MMRN2: variants seen among roughly 807,000 people sequenced by gnomAD.
MMRN2 encodes the protein multimerin-2.
A neutral mutation model predicts 68.8 loss-of-function variants in MMRN2; 53 were observed. The ratio of observed to expected loss-of-function variants is 0.77; its 90% CI spans 0.62 to 0.97. The LOEUF (loss-of-function observed/expected upper bound fraction) is 0.97. Ranked by LOEUF, MMRN2 falls within the 50% of genes least tolerant of loss-of-function variation. MMRN2 has a pLI of 0.00. For synonymous variants in MMRN2, 564 were observed against 551.6 expected, an observed-to-expected ratio of 1.02 and a Z score of -0.32; for missense variants, 1,266 against 1,259.5, an observed-to-expected ratio of 1.01 and a Z score of -0.08.
rs1280027844 is a variant in MMRN2, at chr10:86,936,437, G to A, written c.*306C>T. 59 of 489,418 alleles carry A rather than the reference G, an allele frequency of 1.2e-4. No homozygotes were observed. Among genetic ancestry groups the A allele is most frequent in the African/African-American group, 1.9e-5 (1 of 52,506 alleles). The allele number at this position is 489,418 out of a possible 1,614,324, so 30.3% of individuals were successfully genotyped here. On this transcript the variant is annotated 3_prime_UTR_variant, in exon 7 of 7. Transcript: ENST00000372027. ...GGAGGAGCAAAACACCAAAGAAGTT[G>A]TAGAATACAGGGTGTGGTGAAGAGT...
intron 1 of MMRN2, among the ~76,000 whole-genome samples, chr10:86,947,052 A>G (rs1237404032): frequency 2.0e-5 from 3 of 152,088 alleles, no homozygotes; most frequent in Non-Finnish European, 4.4e-5. Context: ...GGCATGGGAA[A>G]TCATGGAGGG....
chr10:86,940,699 C>A (rs922309705), intron 6 of MMRN2, among the ~76,000 whole-genome samples: 1 of 152,232 alleles, frequency 6.6e-6, no homozygotes, highest in African/African-American at 2.4e-5. Flanking sequence ...TCAGCTGGGG[C>A]AGGGGCTGCC....
Position 86,943,115 on chromosome 10 carries a change from C to G in MMRN2, c.1669G>C (p.Ala557Pro). Residue 557 changes from alanine to proline, a missense_variant, in exon 6 of 7, where the codon GCG becomes CCG. Transcript: ENST00000372027. This position sits in a 1 kb window ranked among gnomAD's most constrained non-coding sequence, Gnocchi z 4.2. ...VDAHKAEGER[A>P]RAATSRLRSQ... Reference sequence around the variant, plus strand: ...CGGAGCCGCGACGTGGCCGCCCGCGCCCGCTCGCCCTCCGCTTTGTGCGCG... The same window carrying G: ...CGGAGCCGCGACGTGGCCGCCCGCGGCCGCTCGCCCTCCGCTTTGTGCGCG... 6.6e-7 allele frequency: 1 copy of G among 1,510,376 alleles called. No individual in the cohort carries two copies. The highest frequency in any genetic ancestry group is 8.8e-7 in the Non-Finnish European group (1 of 1,136,750). The allele number at this position is 1,510,376 out of a possible 1,614,324, so 93.6% of individuals were successfully genotyped here.
chr10:86,952,562 C>T (rs1028240594), intron 1 of MMRN2, among the ~76,000 whole-genome samples: 23 of 152,106 alleles, frequency 1.5e-4, no homozygotes, highest in Non-Finnish European at 2.5e-4. Flanking sequence ...CCACCTGAGC[C>T]GCAAAACCAG....
At chr10:86,952,814 TG>T (rs1349252899) in intron 1 of MMRN2, among the ~76,000 whole-genome samples, 1 of 152,156 alleles carries the variant, frequency 6.6e-6, no homozygotes, top group Non-Finnish European at 1.5e-5. Flanking sequence ...TTACCAGGGC[TG>T]GGGTTTCTCA....
rs1589298137 is a variant in MMRN2, at chr10:86,936,984, T to C, written c.2609A>G (p.Tyr870Cys). The C allele has an allele frequency of 1.9e-6, 3 of 1,614,098 alleles. No homozygotes were observed. The highest frequency in any genetic ancestry group is 1.1e-5 in the South Asian group (1 of 91,064). ...GYFRAPERGV[Y>C]LFAVSVEFGP... ...AAATTCAACGCTCACTGCAAACAGGTAGACACCACGCTCAGGGGCTCGGAA... is the reference window on the plus strand; with the variant it reads ...AAATTCAACGCTCACTGCAAACAGGCAGACACCACGCTCAGGGGCTCGGAA... Residue 870 changes from tyrosine to cysteine, a missense_variant, in exon 7 of 7, where the codon TAC becomes TGC. Coordinates refer to ENST00000372027, the MANE Select transcript of MMRN2 (RefSeq NM_024756.3).
intron 4 of MMRN2, 128 bp from the exon 5 acceptor site, chr10:86,944,563 C>T (rs1589302992): frequency 2.0e-6 from 2 of 1,018,724 alleles, no homozygotes; most frequent in Non-Finnish European, 2.9e-6. Flanking sequence ...TGAGCAGGAG[C>T]TTAGAAGCCT....
intron 1 of MMRN2, among the ~76,000 whole-genome samples, chr10:86,953,696 A>T (rs759470905): frequency 5.3e-5 from 8 of 152,228 alleles, no homozygotes; most frequent in Non-Finnish European, 7.3e-5. Flanking sequence ...ACAAGGAATT[A>T]TCTAGTCCAA....
chr10:86,939,127 ACTCCAGCCTGG>A (rs1330773251), intron 6 of MMRN2, among the ~76,000 whole-genome samples: 2 of 129,676 alleles, frequency 1.5e-5, no homozygotes, highest in Admixed American at 9.2e-5. Context: ...ACGCCGTTGC[ACTCCAGCCTGG>A]GCAACGAGAG....
Position 86,945,465 on chromosome 10 carries a change from G to T in MMRN2, c.305C>A (p.Ala102Asp). 6.4e-7 allele frequency: 1 copy of T among 1,558,038 alleles called. No individual in the cohort carries two copies. Among genetic ancestry groups the T allele is most frequent in the East Asian group, 2.4e-5 (1 of 41,904 alleles). The change falls in exon 3 of 7, where the codon GCC becomes GAC. Residue 102 changes from alanine to aspartate, a missense_variant. Ala to Asp is a moderately radical substitution (Grantham distance 126). Coordinates refer to ENST00000372027, the MANE Select transcript of MMRN2 (RefSeq NM_024756.3). ...CTTGACCTGGTACACTGGCTTGTGG[G>T]CCATGCGGTACCTGGAAGAGGAGAA... ...CQKVKVMYRM[A>D]HKPVYQVKQK... is the part of the protein sequence containing the mutation.
At position 86,957,584 on chromosome 10, in the gene MMRN2, G is replaced by T; in HGVS notation, c.-43C>A. On this transcript the variant is annotated 5_prime_UTR_variant, in exon 1 of 7. Transcript: ENST00000372027. ...CTCAGCTCACACTCAGCCTTGGCAA[G>T]TAGCTCCAGAAACTGCTAGTGACGT... 6.4e-7 allele frequency: 1 copy of T among 1,554,606 alleles called. No individual in the cohort carries two copies.
Position 86,943,107 on chromosome 10 carries a change from C to G in MMRN2, c.1677G>C (p.Ala559=), listed in dbSNP as rs1412764599. 3 of 1,471,706 alleles carry G rather than the reference C, an allele frequency of 2.0e-6. No homozygotes were observed. Among genetic ancestry groups the G allele is most frequent in the Non-Finnish European group, 8.9e-7 (1 of 1,120,916 alleles). 91.2% of individuals were successfully genotyped at this position (1,471,706 alleles called of 1,614,324 possible). A position where few individuals can be genotyped will look rare whatever the true frequency, so the allele number is the denominator to read the frequency against. The change falls in exon 6 of 7, where the codon GCG becomes GCC. Residue 559 remains alanine (A), a synonymous_variant. Coordinates refer to ENST00000372027, the MANE Select transcript of MMRN2 (RefSeq NM_024756.3). This position sits in a 1 kb window ranked among gnomAD's most constrained non-coding sequence, Gnocchi z 4.2. ...AHKAEGERAR[A]ATSRLRSQVQ... ...CTTGGCTCCGGAGCCGCGACGTGGC[C>G]GCCCGCGCCCGCTCGCCCTCCGCTT...
chr10:86,944,436 C>T lies in MMRN2; in HGVS notation c.482-1G>A. On this transcript the variant is annotated splice_acceptor_variant, in intron 4 of 6. Coordinates refer to ENST00000372027, the MANE Select transcript of MMRN2 (RefSeq NM_024756.3). LOFTEE classifies it high-confidence loss of function. ...TCATTGATCACTGCAGCAAGGTGGC[C>T]TAAATACACAGCAGACATAAATGTC... 1 of 1,613,436 alleles carries T rather than the reference C, an allele frequency of 6.2e-7. No individual in the cohort carries two copies.
chr10:86,945,350 G>A lies in MMRN2; in HGVS notation c.400+20C>T, dbSNP rs1844050124. 2 of 1,602,080 alleles carry A rather than the reference G, an allele frequency of 1.2e-6. No individual in the cohort carries two copies. Among genetic ancestry groups the A allele is most frequent in the East Asian group, 2.2e-5 (1 of 44,576 alleles). ...GGGGATCAGAGGTCAAGGGGGGAAG[G>A]GGGCCGCAGGGAGCCCTACCGTGGT... On this transcript the variant is annotated intron_variant, in intron 3 of 6. Coordinates refer to ENST00000372027, the MANE Select transcript of MMRN2 (RefSeq NM_024756.3).
chr10:86,955,674 CAGGAGCAAGGGAAGTA>C (rs1844211729), intron 1 of MMRN2, among the ~76,000 whole-genome samples: 1 of 152,230 alleles, frequency 6.6e-6, no homozygotes, highest in South Asian at 2.1e-4. Context: ...TCCCTGGTCA[CAGGAGCAAGGGAAGTA>C]ATCAGCCCAG....
Position 86,944,093 on chromosome 10 carries a change from G to T in MMRN2, c.691C>A (p.Pro231Thr). 2 of 1,614,060 alleles carry T rather than the reference G, an allele frequency of 1.2e-6. No individual in the cohort carries two copies. Among genetic ancestry groups the T allele is most frequent in the Middle Eastern group, 1.6e-4 (1 of 6,062 alleles). The stretch of plus-strand genomic sequence containing the variant: ...ACTTGTAGGAAGGTGTCCACGTGGG[G>T]TAGCAGCACCTGCTCCAAGGATCTA... Reference protein sequence around the residue: ...PDRSLEQVLLPHVDTFLQVHF... With the variant: ...PDRSLEQVLLTHVDTFLQVHF... Residue 231 changes from proline (P) to threonine (T), a missense_variant, in exon 6 of 7, where the codon CCC becomes ACC. Transcript: ENST00000372027.
chr10:86,942,975 C>G lies in MMRN2; in HGVS notation c.1809G>C (p.Ala603=). The G allele has an allele frequency of 2.7e-6, 4 of 1,486,252 alleles. No individual in the cohort carries two copies. Among genetic ancestry groups the G allele is most frequent in the Non-Finnish European group, 3.6e-6 (4 of 1,119,144 alleles). 92.1% of individuals were successfully genotyped at this position (1,486,252 alleles called of 1,614,324 possible). A position where few individuals can be genotyped will look rare whatever the true frequency, so the allele number is the denominator to read the frequency against. The change falls in exon 6 of 7, where the codon GCG becomes GCC. Residue 603 remains alanine, a synonymous_variant. Transcript: ENST00000372027. ...CGGCCAGCACCGCCTCGTGCCGCAG[C>G]GCGTCCTCCAGCAGGGCGGCGAAGG... ...HSAFAALLED[A]LRHEAVLAAL...
At position 86,943,147 on chromosome 10, in the gene MMRN2, G is replaced by A. The variant is rs371708539; in HGVS notation, c.1637C>T (p.Ala546Val). Residue 546 changes from alanine (A) to valine (V), a missense_variant, in exon 6 of 7, where the codon GCC becomes GTC. By Grantham distance (64) the Ala-to-Val change is moderately conservative (BLOSUM62 0). Transcript: ENST00000372027. This position sits in a 1 kb window ranked among gnomAD's most constrained non-coding sequence, Gnocchi z 4.2. The stretch of plus-strand genomic sequence containing the variant: ...GCCCTCCGCTTTGTGCGCGTCCACG[G>A]CCAGCGACACGGCGTCCACGGCGTT... The part of the protein sequence containing the change: ...LQNAVDAVSL[A>V]VDAHKAEGER... The A allele has an allele frequency of 1.3e-4, 207 of 1,594,242 alleles. No individual in the cohort carries two copies. Among genetic ancestry groups the A allele is most frequent in the Non-Finnish European group, 1.6e-4 (185 of 1,172,604 alleles).
chr10:86,957,584 G>C lies in MMRN2; in HGVS notation c.-43C>G. The C allele has an allele frequency of 6.4e-7, 1 of 1,554,608 alleles. No homozygotes were observed. Among genetic ancestry groups the C allele is most frequent in the South Asian group, 1.2e-5 (1 of 83,984 alleles). On this transcript the variant is annotated 5_prime_UTR_variant, in exon 1 of 7. Transcript: ENST00000372027. Reference sequence around the variant, plus strand: ...CTCAGCTCACACTCAGCCTTGGCAAGTAGCTCCAGAAACTGCTAGTGACGT... The same window carrying C: ...CTCAGCTCACACTCAGCCTTGGCAACTAGCTCCAGAAACTGCTAGTGACGT...
Sources: allele counts gnomAD v4.1 joint callset (sites outside exome capture counted in the v4.1 genomes callset), GRCh38; gene constraint gnomAD v4.1.1; non-coding constraint Gnocchi (gnomAD v3.1); transcripts MANE v1.5; gene names NCBI Gene and HGNC (gene_info 2026-07-23, HGNC 2026-07-21).